Variants in RAE1 observed in about 807,000 individuals in gnomAD.
RAE1 encodes mRNA export factor RAE1.
RAE1 carries 13 observed loss-of-function variants against 52.7 expected under a neutral mutation model. The ratio of observed to expected loss-of-function variants is 0.25; its 90% CI spans 0.16 to 0.39. RAE1 has a LOEUF of 0.39. Among genes scored for constraint, RAE1 ranks in the 10% least tolerant of loss-of-function variants. The pLI is 1.00. For synonymous variants in RAE1, 164 were observed against 153.1 expected, an observed-to-expected ratio of 1.07 and a Z score of -0.52; for missense variants, 262 against 459.8, an observed-to-expected ratio of 0.57 and a Z score of 3.93.
At chr20:57,361,504 G>T (rs979075743) in intron 4 of RAE1, among the ~76,000 whole-genome samples, 1 of 152,074 alleles carries the variant, frequency 6.6e-6, no homozygotes, top group Non-Finnish European at 1.5e-5. Context: ...TTAGGAGGGG[G>T]GAGTTTGCGG....
chr20:57,355,559 G>A (rs1190497394), intron 3 of RAE1, among the ~76,000 whole-genome samples: 1 of 152,162 alleles, frequency 6.6e-6, no homozygotes, highest in Non-Finnish European at 1.5e-5. Flanking sequence ...ATACCCTTCT[G>A]GGACTTGAGT....
intron 1 of RAE1, among the ~76,000 whole-genome samples, chr20:57,353,734 T>C (rs1044174725): frequency 6.6e-6 from 1 of 152,248 alleles, no homozygotes; most frequent in African/African-American, 2.4e-5. Flanking sequence ...TAATCTGCAA[T>C]GTATCCATAC....
At chr20:57,364,077 A>G (rs541710412) in intron 4 of RAE1, among the ~76,000 whole-genome samples, 3 of 152,208 alleles carry the variant, frequency 2.0e-5, no homozygotes, top group Non-Finnish European at 4.4e-5. Context: ...CCGGGAGAGA[A>G]AGACATGTAG....
intron 10 of RAE1, among the ~76,000 whole-genome samples, chr20:57,374,101 C>T (rs1213555924): frequency 2.6e-5 from 4 of 152,156 alleles, no homozygotes; most frequent in Non-Finnish European, 5.9e-5. Flanking sequence ...AGGCTGGTCT[C>T]GAACTCCTGA....
chr20:57,372,585 A>G (rs1337499067), intron 8 of RAE1: 2 of 152,244 alleles, frequency 1.3e-5, no homozygotes, highest in African/African-American at 4.8e-5. Context: ...CGTACTCACA[A>G]AAGTAATGGT....
chr20:57,378,318 G>A lies in RAE1; in HGVS notation c.*219G>A, dbSNP rs941010902. 2.0e-6 allele frequency: 1 copy of A among 510,842 alleles called. No individual in the cohort carries two copies. The highest frequency in any genetic ancestry group is 3.5e-6 in the Non-Finnish European group (1 of 284,850). The allele number at this position is 510,842 out of a possible 1,614,324, so 31.6% of individuals were successfully genotyped here. ...GTTGCAGAGTTTTTCTGTAACTAAGGGGGTTGAGGTTATTGTAGACGTTAG... is the reference window on the plus strand; with the variant it reads ...GTTGCAGAGTTTTTCTGTAACTAAGAGGGTTGAGGTTATTGTAGACGTTAG... On this transcript the variant is annotated 3_prime_UTR_variant, in exon 12 of 12. Coordinates refer to ENST00000395841, the MANE Select transcript of RAE1 (RefSeq NM_003610.4).
intron 1 of RAE1, among the ~76,000 whole-genome samples, chr20:57,353,352 G>A (rs1427635376): frequency 5.9e-5 from 9 of 152,192 alleles, no homozygotes; most frequent in Non-Finnish European, 2.9e-5. Context: ...GGTGAGATTA[G>A]AGTCCCAACT....
intron 5 of RAE1, among the ~76,000 whole-genome samples, 179 bp from the exon 6 acceptor site, chr20:57,366,628 G>C (rs2066958270): frequency 6.6e-6 from 1 of 151,860 alleles, no homozygotes; most frequent in Admixed American, 6.5e-5. Flanking sequence ...GGGATTTGGT[G>C]GGGACATGCA....
At chr20:57,352,085 AT>A in intron 1 of RAE1, 1 of 688,482 alleles carries the variant, frequency 1.5e-6, no homozygotes, top group Non-Finnish European at 1.8e-6. Flanking sequence ...GTGATGGAAG[AT>A]TAGATATGTT....
chr20:57,360,989 A>G (rs532325212), intron 4 of RAE1, among the ~76,000 whole-genome samples: 97 of 152,292 alleles, frequency 6.4e-4, no homozygotes, highest in African/African-American at 2.0e-3. Context: ...AAACCTATCT[A>G]TAAGGTTTTG....
intron 3 of RAE1, among the ~76,000 whole-genome samples, chr20:57,355,186 T>G (rs1247807203): frequency 6.6e-6 from 1 of 152,160 alleles, no homozygotes; most frequent in Non-Finnish European, 1.5e-5. Context: ...TTTTTCAACG[T>G]TAAATAATAG....
intron 1 of RAE1, among the ~76,000 whole-genome samples, chr20:57,353,578 A>C (rs555870152): frequency 6.6e-6 from 1 of 152,260 alleles, no homozygotes; most frequent in Admixed American, 6.5e-5. Flanking sequence ...AGAATGTAGA[A>C]ATTAGTAGGA....
chr20:57,374,008 C>T (rs1159330037), intron 10 of RAE1, among the ~76,000 whole-genome samples: 22 of 152,190 alleles, frequency 1.4e-4, no homozygotes, highest in Admixed American at 5.9e-4. Context: ...ATTCTCCTGC[C>T]TCAGCCTCCC....
intron 11 of RAE1, 85 bp downstream of exon 11, chr20:57,374,886 T>A: frequency 6.8e-7 from 1 of 1,463,798 alleles, no homozygotes. Flanking sequence ...GAGTTGTGAC[T>A]CTTCTCAGGA....
chr20:57,356,640 G>T, intron 4 of RAE1, 102 bp downstream of exon 4: 2 of 1,054,084 alleles, frequency 1.9e-6, no homozygotes, highest in Middle Eastern at 2.2e-4. Flanking sequence ...TGTTCATATT[G>T]TAGGAATTCT....
chr20:57,368,892 G>A, intron 8 of RAE1, 80 bp downstream of exon 8: 2 of 1,192,688 alleles, frequency 1.7e-6, no homozygotes, highest in Non-Finnish European at 2.4e-6. Context: ...GAATACAGTT[G>A]TACTTTGTAA....
At position 57,376,340 on chromosome 20, in the gene RAE1, C is replaced by T. The variant is rs372348345; in HGVS notation, c.1020+1539C>T. ...TCAACATCTGTAAATACCCATGAAA[C>T]TATCACCATAGTCATCTCCCCGAAA... On this transcript the variant is annotated intron_variant, in intron 11 of 11. Transcript: ENST00000395841. Among the ~76,000 whole-genome samples the T allele has an allele frequency of 5.7e-4, 87 of 152,322 alleles. 1 individual carries two copies. The South Asian group carries it at 0.016, about 28-fold the overall frequency.
chr20:57,367,092 A>T lies in RAE1; in HGVS notation c.534+13A>T, dbSNP rs531320550. Reference sequence around the variant, plus strand: ...CTGTGCTGACGTGGTAAGGGATTTCAACTTAATATGTATTTACTTTAAAAA... The same window carrying T: ...CTGTGCTGACGTGGTAAGGGATTTCTACTTAATATGTATTTACTTTAAAAA... On this transcript the variant is annotated intron_variant, in intron 7 of 11. Coordinates refer to ENST00000395841, the MANE Select transcript of RAE1 (RefSeq NM_003610.4). 6.5e-7 allele frequency: 1 copy of T among 1,542,990 alleles called. No homozygotes were observed. Among genetic ancestry groups the T allele is most frequent in the East Asian group, 2.2e-5 (1 of 44,564 alleles).
chr20:57,377,965 A>G lies in RAE1; in HGVS notation c.1021-48A>G, dbSNP rs766720154. On this transcript the variant is annotated intron_variant, in intron 11 of 11. Coordinates refer to ENST00000395841, the MANE Select transcript of RAE1 (RefSeq NM_003610.4). ...CCTAGAAAAAGCACCTACAAATGCT[A>G]ACTTTCTTTTGAATAATAAGATCAT... 1.1e-5 allele frequency: 16 copies of G among 1,431,728 alleles called. No individual in the cohort carries two copies. In the African/African-American group the frequency reaches 1.6e-4, roughly 14 times the overall value. 88.7% of individuals were successfully genotyped at this position (1,431,728 alleles called of 1,614,324 possible).
Sources: allele counts gnomAD v4.1 joint callset (sites outside exome capture counted in the v4.1 genomes callset), GRCh38; gene constraint gnomAD v4.1.1; transcripts MANE v1.5; gene names NCBI Gene and HGNC (gene_info 2026-07-23, HGNC 2026-07-21).